Variants in SESTD1 observed in about 807,000 individuals in gnomAD.
SESTD1 encodes SEC14 and spectrin domain containing 1, also known as SEC14 domain and spectrin repeat-containing protein 1.
In SESTD1, 43 loss-of-function variants were observed where a neutral mutation model predicts 101.7. That is an observed-to-expected ratio of 0.42 (90% CI 0.33 to 0.55). The LOEUF is 0.55. Among genes scored for constraint, SESTD1 ranks in the 20% least tolerant of loss-of-function variants. The probability of loss-of-function intolerance (pLI) is 0.07; values close to 1 mark genes in which losing one functional copy is unlikely to be tolerated. For missense variants in SESTD1, 647 were observed against 815.1 expected, an observed-to-expected ratio of 0.79 and a Z score of 2.51; for synonymous variants, 283 against 286.8, an observed-to-expected ratio of 0.99 and a Z score of 0.13.
At chr2:179,174,058 G>C (rs1575461400) in intron 4 of SESTD1, among the ~76,000 whole-genome samples, 1 of 152,292 alleles carries the variant, frequency 6.6e-6, no homozygotes, top group East Asian at 1.9e-4. Flanking sequence ...ACTTTTACCA[G>C]AGGGGCTGGA....
At position 179,125,634 on chromosome 2, in the gene SESTD1, G is replaced by A. The variant is rs141417661; in HGVS notation, c.973-1076C>T. On this transcript the variant is annotated intron_variant, in intron 10 of 17. Transcript: ENST00000428443. Reference sequence around the variant, plus strand: ...ATCATCATGCTTATAAACTACAAAAGGATTGACAGATCTCTTTTTAAAGTT... The same window carrying A: ...ATCATCATGCTTATAAACTACAAAAAGATTGACAGATCTCTTTTTAAAGTT... Among the ~76,000 whole-genome samples the A allele has an allele frequency of 3.0e-3, 458 of 152,176 alleles. 6 individuals carry two copies. Among genetic ancestry groups the A allele is most frequent in the African/African-American group, 0.011 (441 of 41,534 alleles).
chr2:179,264,449 G>A, intron 1 of SESTD1, 50 bp downstream of exon 1: 1 of 150,690 alleles, frequency 6.6e-6, no homozygotes, highest in South Asian at 2.0e-4. Context: ...CCACCCGGCC[G>A]CGGGGCCTGC....
Position 179,123,709 on chromosome 2 carries a change from G to A in SESTD1, c.1282+6C>T. On this transcript the variant is annotated splice_donor_region_variant and intron_variant, in intron 12 of 17. Transcript: ENST00000428443. The stretch of plus-strand genomic sequence containing the variant: ...TTATGTTTCAGCATTTTTAAAATCT[G>A]CTTACCAACACTTTTCAGCTTCTCT... 6.3e-7 allele frequency: 1 copy of A among 1,589,894 alleles called. No homozygotes were observed. The highest frequency in any genetic ancestry group is 8.6e-7 in the Non-Finnish European group (1 of 1,165,204).
chr2:179,185,612 C>A (rs2046206219), intron 2 of SESTD1, among the ~76,000 whole-genome samples: 1 of 111,658 alleles, frequency 9.0e-6, no homozygotes, highest in African/African-American at 3.4e-5. Context: ...ACATATATAA[C>A]ACTATTATAC....
chr2:179,132,287 A>G lies in SESTD1; in HGVS notation c.972+17T>C. 1.3e-6 allele frequency: 2 copies of G among 1,529,306 alleles called. No individual in the cohort carries two copies. 94.7% of individuals were successfully genotyped at this position (1,529,306 alleles called of 1,614,324 possible). On this transcript the variant is annotated intron_variant, in intron 10 of 17. Coordinates refer to ENST00000428443, the MANE Select transcript of SESTD1 (RefSeq NM_178123.5). ...TTCATAATATCATTGTAACTTGCAG[A>G]GGAAAAAGCCTCTCACACTGTGCTG...
At chr2:179,148,940 G>C (rs1381758654) in intron 7 of SESTD1, among the ~76,000 whole-genome samples, 2 of 151,560 alleles carry the variant, frequency 1.3e-5, no homozygotes, top group African/African-American at 4.8e-5. Flanking sequence ...GGCGCCTGTA[G>C]TCCCAGCTAC....
At chr2:179,193,314 A>C (rs1429716249) in intron 1 of SESTD1, among the ~76,000 whole-genome samples, 1 of 152,204 alleles carries the variant, frequency 6.6e-6, no homozygotes, top group Non-Finnish European at 1.5e-5. Flanking sequence ...TAGATGATAT[A>C]TTCAAGTTCC....
At chr2:179,221,346 C>T (rs112287375) in intron 1 of SESTD1, among the ~76,000 whole-genome samples, 2 of 151,042 alleles carry the variant, frequency 1.3e-5, no homozygotes, top group African/African-American at 4.9e-5. Flanking sequence ...GGTGCAGTGG[C>T]TCACACCTGT....
chr2:179,234,118 G>A (rs1343386973), intron 1 of SESTD1, among the ~76,000 whole-genome samples: 1 of 152,188 alleles, frequency 6.6e-6, no homozygotes, highest in Non-Finnish European at 1.5e-5. Context: ...CAAAAAGACT[G>A]ACTCTCAGTA....
At chr2:179,244,853 T>A (rs1052775633) in intron 1 of SESTD1, among the ~76,000 whole-genome samples, 1 of 152,196 alleles carries the variant, frequency 6.6e-6, no homozygotes, top group African/African-American at 2.4e-5. Flanking sequence ...TAAATGTGTG[T>A]ACAGGAAACA....
chr2:179,119,047 G>A (rs2044694269), intron 13 of SESTD1, among the ~76,000 whole-genome samples: 1 of 152,200 alleles, frequency 6.6e-6, no homozygotes, highest in African/African-American at 2.4e-5. Context: ...TTATGGGAAT[G>A]TTATAGAAGA....
At position 179,102,381 on chromosome 2, in the gene SESTD1, T is replaced by C. The variant is rs111276240; in HGVS notation, c.*7518A>G. On this transcript the variant is annotated 3_prime_UTR_variant, in exon 18 of 18. Coordinates refer to ENST00000428443, the MANE Select transcript of SESTD1 (RefSeq NM_178123.5). ...CTCAAATTGATTCAAAGATGCAGAA[T>C]TCATCAGATTATCTTATAGAGACCA... The C allele has an allele frequency of 1.4e-4, 21 of 152,130 alleles. 1 individual carries two copies. The highest frequency in any genetic ancestry group is 5.1e-4 in the African/African-American group (21 of 41,410). The allele number at this position is 152,130 out of a possible 1,614,324, so 9.4% of individuals were successfully genotyped here. A position where few individuals can be genotyped will look rare whatever the true frequency, so the allele number is the denominator to read the frequency against.
intron 1 of SESTD1, among the ~76,000 whole-genome samples, chr2:179,245,890 C>T (rs1253550493): frequency 1.3e-5 from 2 of 152,050 alleles, no homozygotes; most frequent in African/African-American, 4.8e-5. Context: ...CTAATTGCTC[C>T]CTACAAGAAA....
chr2:179,149,129 TTTACA>T (rs972594324), intron 7 of SESTD1, among the ~76,000 whole-genome samples, 163 bp downstream of exon 7: 1 of 150,800 alleles, frequency 6.6e-6, no homozygotes, highest in Non-Finnish European at 1.5e-5. Context: ...ACCAATACAT[TTTACA>T]TGTAAAGCAA....
At position 179,207,038 on chromosome 2, in the gene SESTD1, C is replaced by G. The variant is rs1340547341; in HGVS notation, c.-25-15172G>C. Among the ~76,000 whole-genome samples the G allele has an allele frequency of 1.5e-5, 2 of 133,280 alleles. 1 individual carries two copies. The highest frequency in any genetic ancestry group is 6.0e-5 in the African/African-American group (2 of 33,426). The allele number at this position is 133,280 out of a possible 152,430, so 87.4% of individuals were successfully genotyped here. On this transcript the variant is annotated intron_variant, in intron 1 of 17. Coordinates refer to ENST00000428443, the MANE Select transcript of SESTD1 (RefSeq NM_178123.5). ...ACCACCCACCATCCCCCAAAGTGAC[C>G]ACAGAAACCCCCACCCAAAGAGAGT... is the stretch of plus-strand genomic sequence containing the variant.
chr2:179,192,946 A>G (rs2046339195), intron 1 of SESTD1, among the ~76,000 whole-genome samples: 3 of 152,322 alleles, frequency 2.0e-5, no homozygotes, highest in Middle Eastern at 3.4e-3. Flanking sequence ...ATTTAGTGAA[A>G]GCATATTCTC....
rs2046635159 is a variant in SESTD1, at chr2:179,210,295, C to T, written c.-25-18429G>A. ...TGGTATCAATACTACTGAAAGTATT[C>T]CAAGATAAACAGGGAATCCTCCCTA... On this transcript the variant is annotated intron_variant, in intron 1 of 17. Transcript: ENST00000428443. Among the ~76,000 whole-genome samples the T allele has an allele frequency of 1.5e-5, 2 of 134,224 alleles. 1 individual carries two copies. The highest frequency in any genetic ancestry group is 5.6e-4 in the South Asian group (2 of 3,572). The allele number at this position is 134,224 out of a possible 152,430, so 88.1% of individuals were successfully genotyped here.
chr2:179,257,744 T>C (rs1409512047), intron 1 of SESTD1, among the ~76,000 whole-genome samples: 2 of 151,948 alleles, frequency 1.3e-5, no homozygotes, highest in East Asian at 3.9e-4. Context: ...CGGTATGGAG[T>C]GGGCCACAAA....
intron 9 of SESTD1, 73 bp downstream of exon 9, chr2:179,143,519 C>CTA: frequency 7.3e-7 from 1 of 1,362,072 alleles, no homozygotes; most frequent in Non-Finnish European, 1.0e-6. Flanking sequence ...GTATATAAGA[C>CTA]TTAATAGTCA....
Sources: allele counts gnomAD v4.1 joint callset (sites outside exome capture counted in the v4.1 genomes callset), GRCh38; gene constraint gnomAD v4.1.1; transcripts MANE v1.5; gene names NCBI Gene and HGNC (gene_info 2026-07-23, HGNC 2026-07-21).